The following PCSK5 variants were observed in gnomAD, a reference collection of about 807,000 sequenced individuals.
PCSK5 encodes the protein prohormone convertase 5.
Under a neutral mutation model 233.2 loss-of-function variants are expected in PCSK5, and 129 were observed. That is an observed-to-expected ratio of 0.55 (90% confidence interval 0.48 to 0.64). The LOEUF is 0.64. Among genes scored for constraint, PCSK5 ranks in the 30% least tolerant of loss-of-function variants. The pLI, the probability that PCSK5 is intolerant of heterozygous loss-of-function variation, is 0.00. For missense variants in PCSK5, 2,076 were observed against 2,430.1 expected (o/e 0.85, Z 3.06); for synonymous variants, 825 against 879.2 (o/e 0.94, Z 1.09).
chr9:76,029,493 G>T (rs1395088145), intron 5 of PCSK5, among the ~76,000 whole-genome samples: 1 of 152,066 alleles, frequency 6.6e-6, no homozygotes, highest in Non-Finnish European at 1.5e-5. Flanking sequence ...GGACTGATTT[G>T]TTTGCCAATA....
At chr9:76,236,546 G>C (rs1031333852) in intron 22 of PCSK5, among the ~76,000 whole-genome samples, 3 of 152,134 alleles carry the variant, frequency 2.0e-5, no homozygotes, top group African/African-American at 7.2e-5. Context: ...AAGACCCTGG[G>C]CAAGTAGCCA....
rs143866937 is a variant in PCSK5 at position 76,149,300 on chromosome 9, G to A, written c.1313-7745G>A. 6.1e-3 allele frequency among the ~76,000 whole-genome samples: 930 copies of A among 152,212 alleles called. 6 individuals carry two copies. The highest frequency in any genetic ancestry group is 0.021 in the African/African-American group (863 of 41,530). ...TCACCTCCAACAGTGGGTGAAGAAGGCTCCTTGTGAGGTCAGCTGATGGAT... is the reference window on the plus strand; with the variant it reads ...TCACCTCCAACAGTGGGTGAAGAAGACTCCTTGTGAGGTCAGCTGATGGAT... On this transcript the variant is annotated intron_variant, in intron 10 of 37. Transcript: ENST00000674117.
At chr9:76,046,171 T>TTG (rs1563992973) in intron 5 of PCSK5, among the ~76,000 whole-genome samples, 3 of 89,616 alleles carry the variant, frequency 3.3e-5, no homozygotes, top group Admixed American at 1.1e-4. Flanking sequence ...TTTTTTTTTT[T>TTG]TTTTTTTTTT....
chr9:75,902,357 G>A (rs1033496668), intron 1 of PCSK5, among the ~76,000 whole-genome samples: 1 of 151,958 alleles, frequency 6.6e-6, no homozygotes, highest in Non-Finnish European at 1.5e-5. Context: ...CACTTCTGAA[G>A]TGGTTGACCA....
chr9:76,185,134 G>A (rs112487606), intron 17 of PCSK5, among the ~76,000 whole-genome samples: 4,764 of 152,150 alleles, frequency 0.031, 150 homozygotes, highest in African/African-American at 0.075. Context: ...TTGGATGGTC[G>A]GAAATTATTC....
upstream of PCSK5, among the ~76,000 whole-genome samples, chr9:75,890,488 C>T (rs1010328431): frequency 6.6e-6 from 1 of 152,162 alleles, no homozygotes; most frequent in Admixed American, 6.5e-5. Context: ...AAAGACTTGC[C>T]TTTACTGCCC....
chr9:76,054,123 C>T (rs767789252), intron 5 of PCSK5, among the ~76,000 whole-genome samples: 1 of 152,058 alleles, frequency 6.6e-6, no homozygotes, highest in Non-Finnish European at 1.5e-5. Context: ...GACTTACTAT[C>T]ACAAGAACTG....
chr9:76,132,880 C>A (rs1051134512), intron 9 of PCSK5, among the ~76,000 whole-genome samples: 1 of 151,938 alleles, frequency 6.6e-6, no homozygotes, highest in Admixed American at 6.6e-5. Context: ...GCCCTGACCA[C>A]CCTAAAAAAC....
rs192134701 is a variant in PCSK5 at position 76,085,801 on chromosome 9, A to G, written c.895-10089A>G. Among the ~76,000 whole-genome samples, 3 of 152,294 alleles carry G rather than the reference A, an allele frequency of 2.0e-5. No individual in the cohort carries two copies. The East Asian group carries it at 5.8e-4, about 29-fold the overall frequency. ...AGATGAGGGTAGTTTACCCTTGCAGACTTGAGCTGGCACTTGGAACCACTT... is the reference window on the plus strand; with the variant it reads ...AGATGAGGGTAGTTTACCCTTGCAGGCTTGAGCTGGCACTTGGAACCACTT... On this transcript the variant is annotated intron_variant, in intron 7 of 37. Transcript: ENST00000674117.
intron 2 of PCSK5, among the ~76,000 whole-genome samples, chr9:75,982,107 T>C (rs1381970119): frequency 3.3e-5 from 5 of 152,312 alleles, no homozygotes; most frequent in African/African-American, 1.2e-4. Context: ...ACATTTTTTT[T>C]CCATTTTAAC....
chr9:76,269,348 G>T (rs549918065), intron 24 of PCSK5, among the ~76,000 whole-genome samples: 35 of 152,222 alleles, frequency 2.3e-4, no homozygotes, highest in African/African-American at 8.2e-4. Flanking sequence ...GTGTTCAGGG[G>T]AGTGAATACA....
At chr9:76,164,363 T>C (rs1030686740) in intron 12 of PCSK5, among the ~76,000 whole-genome samples, 3 of 152,244 alleles carry the variant, frequency 2.0e-5, no homozygotes, top group Non-Finnish European at 4.4e-5. Context: ...GAAAGCCTAA[T>C]TTCCTCATTT....
Position 75,997,758 on chromosome 9 carries a change from G to GA in PCSK5, c.411+11518dup, listed in dbSNP as rs146152750. 1.9e-3 allele frequency among the ~76,000 whole-genome samples: 288 copies of GA among 152,182 alleles called. 1 individual carries two copies. The highest frequency in any genetic ancestry group is 6.7e-3 in the African/African-American group (279 of 41,520). ...TTATTGTTTCCATGATTAAAAAGAG[G>GA]AAAAACCTGATGAGAAACCTAATTT... On this transcript the variant is annotated intron_variant, in intron 3 of 37. Coordinates refer to ENST00000674117, the MANE Select transcript of PCSK5 (RefSeq NM_001372043.1).
At chr9:75,999,231 C>T (rs1260103557) in intron 3 of PCSK5, among the ~76,000 whole-genome samples, 3 of 152,202 alleles carry the variant, frequency 2.0e-5, no homozygotes, top group South Asian at 4.1e-4. Context: ...CCCCAACAGG[C>T]CTCGGTGTGT....
chr9:76,019,782 A>G (rs1226017118), intron 3 of PCSK5, among the ~76,000 whole-genome samples: 1 of 152,182 alleles, frequency 6.6e-6, no homozygotes, highest in Non-Finnish European at 1.5e-5. Flanking sequence ...AACTCACAGG[A>G]CAATGTCTTT....
chr9:75,903,647 T>C (rs1466512909), intron 1 of PCSK5, among the ~76,000 whole-genome samples: 1 of 147,034 alleles, frequency 6.8e-6, no homozygotes, highest in Non-Finnish European at 1.5e-5. Context: ...TAAGGGATGA[T>C]ATTTTTGTAA....
At chr9:75,937,392 T>A (rs1353629986) in intron 2 of PCSK5, among the ~76,000 whole-genome samples, 2 of 152,246 alleles carry the variant, frequency 1.3e-5, no homozygotes, top group South Asian at 4.1e-4. Context: ...TTAGTCAGGC[T>A]GGTCTTGAAC....
At position 76,181,940 on chromosome 9, in the gene PCSK5, T is replaced by A. The variant is rs375944030; in HGVS notation, c.2197+349T>A. Among the ~76,000 whole-genome samples the A allele has an allele frequency of 3.9e-5, 6 of 152,174 alleles. No homozygotes were observed. In the East Asian group the frequency reaches 5.8e-4, roughly 15 times the overall value. Reference sequence around the variant, plus strand: ...TTCAGCCACACAGGGCATATTCACTTCCCCGTGCAACAATGCGTGACGACG... The same window carrying A: ...TTCAGCCACACAGGGCATATTCACTACCCCGTGCAACAATGCGTGACGACG... On this transcript the variant is annotated intron_variant, in intron 16 of 37. Coordinates refer to ENST00000674117, the MANE Select transcript of PCSK5 (RefSeq NM_001372043.1).
At chr9:75,990,722 GGGATCA>G (rs1431722390) in intron 3 of PCSK5, among the ~76,000 whole-genome samples, 1 of 152,170 alleles carries the variant, frequency 6.6e-6, no homozygotes, top group Non-Finnish European at 1.5e-5. Context: ...AAGTTTCTCT[GGGATCA>G]CGTGCATATA....
Sources: allele counts gnomAD v4.1 joint callset (sites outside exome capture counted in the v4.1 genomes callset), GRCh38; gene constraint gnomAD v4.1.1; transcripts MANE v1.5; gene names NCBI Gene and HGNC (gene_info 2026-07-23, HGNC 2026-07-21).